The following PON1 variants were observed in gnomAD, a reference collection of about 807,000 sequenced individuals.
PON1 encodes the protein serum paraoxonase/arylesterase 1.
PON1 carries 37 observed loss-of-function variants against 39.2 expected under a neutral mutation model. That is an observed-to-expected ratio of 0.94 (90% CI 0.73 to 1.24). The LOEUF (loss-of-function observed/expected upper bound fraction) is 1.24, where lower values mean the gene tolerates loss of function less well. Ranked by LOEUF, PON1 falls within the 50% of genes most tolerant of loss-of-function variation. The pLI, the probability that PON1 is intolerant of heterozygous loss-of-function variation, is 0.00. For missense variants in PON1, 397 were observed against 413.5 expected, an observed-to-expected ratio of 0.96 and a Z score of 0.35; for synonymous variants, 148 against 152.2, an observed-to-expected ratio of 0.97 and a Z score of 0.21.
intron 7 of PON1, 163 bp from the exon 8 acceptor site, chr7:95,302,496 T>A: frequency 1.6e-6 from 1 of 642,148 alleles, no homozygotes; most frequent in Non-Finnish European, 2.7e-6. Flanking sequence ...AAAATTTCTC[T>A]GACCTTTCAT....
chr7:95,320,519 T>C (rs1413443152), intron 1 of PON1, among the ~76,000 whole-genome samples: 1 of 152,194 alleles, frequency 6.6e-6, no homozygotes, highest in Non-Finnish European at 1.5e-5. Flanking sequence ...CTCAAACACC[T>C]CCGTGAGGTG....
At chr7:95,310,404 C>A (rs1327294427) in intron 5 of PON1, among the ~76,000 whole-genome samples, 1 of 152,182 alleles carries the variant, frequency 6.6e-6, no homozygotes, top group Non-Finnish European at 1.5e-5. Flanking sequence ...CACTCAGTGA[C>A]CTTATTCTCT....
rs150777467 is a variant in PON1, at chr7:95,303,537, G to C, written c.781-1204C>G. On this transcript the variant is annotated intron_variant, in intron 7 of 8. Transcript: ENST00000222381. ...TGAGATGAGAGTGGGAGTGGGAGAA[G>C]GACACAGAAACCTGGGGTCCCATTC... Among the ~76,000 whole-genome samples the C allele has an allele frequency of 1.5e-3, 228 of 152,278 alleles. 1 individual carries two copies. Among genetic ancestry groups the C allele is most frequent in the African/African-American group, 5.1e-3 (214 of 41,560 alleles).
At chr7:95,302,128 A>AAAAAAAAAAAAATAAT in intron 8 of PON1, 77 bp downstream of exon 8, 1 of 1,070,196 alleles carries the variant, frequency 9.3e-7, no homozygotes, top group Non-Finnish European at 1.3e-6. Context: ...AAAACCAAGA[A>AAAAAAAAAAAAATAAT]TTGAGAATTA....
chr7:95,312,718 C>G lies in PON1; in HGVS notation c.371-1141G>C, dbSNP rs183455152. On this transcript the variant is annotated intron_variant, in intron 4 of 8. Coordinates refer to ENST00000222381, the MANE Select transcript of PON1 (RefSeq NM_000446.7). Reference sequence around the variant, plus strand: ...GTGCAAAGGCCCTGGGGCAGAACTTCCTGGACATATTCACTTAATAGTGAG... The same window carrying G: ...GTGCAAAGGCCCTGGGGCAGAACTTGCTGGACATATTCACTTAATAGTGAG... Among the ~76,000 whole-genome samples the G allele has an allele frequency of 4.3e-3, 652 of 151,984 alleles. 12 individuals are homozygous for G. In the South Asian group the frequency reaches 0.051, roughly 12 times the overall value.
Position 95,298,815 on chromosome 7 carries a change from T to TCCAAA in PON1, c.*128_*129insTTTGG. ...ATATCACTCCCAGTTAAACAGTGCT[T>TCCAAA]TGATGCTTCATGATGTCCACATTTA... On this transcript the variant is annotated 3_prime_UTR_variant, in exon 9 of 9. Coordinates refer to ENST00000222381, the MANE Select transcript of PON1 (RefSeq NM_000446.7). The TCCAAA allele has an allele frequency of 8.6e-7, 1 of 1,157,434 alleles. No individual in the cohort carries two copies. Among genetic ancestry groups the TCCAAA allele is most frequent in the South Asian group, 1.3e-5 (1 of 78,362 alleles). 71.7% of individuals were successfully genotyped at this position (1,157,434 alleles called of 1,614,324 possible).
intron 4 of PON1, among the ~76,000 whole-genome samples, chr7:95,313,705 C>T (rs563078888): frequency 6.6e-6 from 1 of 150,788 alleles, no homozygotes; most frequent in Non-Finnish European, 1.5e-5. Flanking sequence ...AAATCACTTT[C>T]AACATTTTGA....
At chr7:95,303,971 T>C (rs893342616) in intron 7 of PON1, among the ~76,000 whole-genome samples, 7 of 152,226 alleles carry the variant, frequency 4.6e-5, no homozygotes, top group Non-Finnish European at 8.8e-5. Context: ...GAATTATTTC[T>C]ATCGTGGTAA....
intron 3 of PON1, 135 bp from the exon 4 acceptor site, chr7:95,315,625 C>T: frequency 1.1e-6 from 1 of 889,798 alleles, no homozygotes; most frequent in East Asian, 2.6e-5. Context: ...TAGGAAGCCT[C>T]TTAGTTAGCT....
At chr7:95,303,292 C>T (rs1353538864) in intron 7 of PON1, among the ~76,000 whole-genome samples, 8 of 152,156 alleles carry the variant, frequency 5.3e-5, no homozygotes, top group East Asian at 1.9e-4. Context: ...GCCTCAGTCT[C>T]GCCACCATGC....
intron 2 of PON1, among the ~76,000 whole-genome samples, chr7:95,317,693 C>T (rs1400696881): frequency 6.6e-6 from 1 of 151,974 alleles, no homozygotes; most frequent in Non-Finnish European, 1.5e-5. Flanking sequence ...GAGAGTTGAG[C>T]CCGGGGACTC....
At position 95,298,935 on chromosome 7, in the gene PON1, A is replaced by G. The variant is rs780245405; in HGVS notation, c.*9T>C. 6.2e-7 allele frequency: 1 copy of G among 1,614,102 alleles called. No homozygotes were observed. The highest frequency in any genetic ancestry group is 8.5e-7 in the Non-Finnish European group (1 of 1,179,988). The stretch of plus-strand genomic sequence containing the variant: ...CTCAGTTTCTATGGCATGGGTGCAA[A>G]TCGGTCTGTTAGAGCTCACAGTAAA... On this transcript the variant is annotated 3_prime_UTR_variant, in exon 9 of 9. Coordinates refer to ENST00000222381, the MANE Select transcript of PON1 (RefSeq NM_000446.7).
In PON1 at chr7:95,302,303, T is replaced by A; in HGVS notation, c.811A>T (p.Ile271Leu). 1 of 1,608,134 alleles carries A rather than the reference T, an allele frequency of 6.2e-7. No homozygotes were observed. The highest frequency in any genetic ancestry group is 8.5e-7 in the Non-Finnish European group (1 of 1,174,784). ...SLDFNTLVDN[I>L]SVDPETGDLW... The stretch of plus-strand genomic sequence containing the variant: ...TCTCCTGTCTCAGGATCCACAGATA[T>A]GTTATCCACGAGGGTATTAAAGTCA... The change falls in exon 8 of 9, where the codon ATA (isoleucine) becomes TTA (leucine). Residue 271 changes from isoleucine to leucine, a missense_variant. Coordinates refer to ENST00000222381, the MANE Select transcript of PON1 (RefSeq NM_000446.7).
At position 95,311,525 on chromosome 7, in the gene PON1, C is replaced by T; in HGVS notation, c.423G>A (p.Val141=). The stretch of plus-strand genomic sequence containing the variant: ...CTTCTTCTTGAAATTTAAACAACTC[C>T]ACTGTGGACTTGGCATCTGGATGGT... ...VVNHPDAKST[V]ELFKFQEEEK... Residue 141 remains valine (V), a synonymous_variant, in exon 5 of 9, where the codon GTG becomes GTA. Transcript: ENST00000222381. 4 of 1,613,948 alleles carry T rather than the reference C, an allele frequency of 2.5e-6. No individual in the cohort carries two copies. In the African/African-American group the frequency reaches 4.0e-5, roughly 16 times the overall value.
chr7:95,317,585 A>T (rs1463950685), intron 2 of PON1, among the ~76,000 whole-genome samples: 1 of 140,926 alleles, frequency 7.1e-6, no homozygotes, highest in Non-Finnish European at 1.6e-5. Flanking sequence ...AAAAAAAAAA[A>T]AAAAAAAAGA....
chr7:95,316,013 G>A (rs1330654734), intron 3 of PON1, among the ~76,000 whole-genome samples: 2 of 152,124 alleles, frequency 1.3e-5, no homozygotes, highest in South Asian at 2.1e-4. Flanking sequence ...TACACCTTAT[G>A]TTGCTCAAGA....
Position 95,298,882 on chromosome 7 carries a change from G to A in PON1, c.*62C>T. On this transcript the variant is annotated 3_prime_UTR_variant, in exon 9 of 9. Transcript: ENST00000222381. ...TTCAGCTAAGAACACTGGGTCCTCG[G>A]AATATGGCAAGCGGTTGAAATAATG... The A allele has an allele frequency of 6.3e-7, 1 of 1,597,498 alleles. No homozygotes were observed. Among genetic ancestry groups the A allele is most frequent in the Non-Finnish European group, 8.6e-7 (1 of 1,165,072 alleles).
intron 4 of PON1, among the ~76,000 whole-genome samples, chr7:95,314,586 AC>A (rs1444367930): frequency 6.6e-6 from 1 of 152,084 alleles, no homozygotes; most frequent in Non-Finnish European, 1.5e-5. Context: ...GTGGTTCTTA[AC>A]CCTAGCCTGA....
At chr7:95,308,718 A>T (rs1343863986) in intron 5 of PON1, among the ~76,000 whole-genome samples, 1 of 152,182 alleles carries the variant, frequency 6.6e-6, no homozygotes, top group African/African-American at 2.4e-5. Context: ...TCTAAGAAAA[A>T]TCAATCTTTT....
Sources: gnomAD v4.1 joint callset for allele counts (sites outside exome capture counted in the v4.1 genomes callset) on GRCh38, gnomAD v4.1.1 for gene constraint, MANE v1.5 for transcripts, NCBI Gene and HGNC (gene_info 2026-07-23, HGNC 2026-07-21) for gene names.